Variants in SELENOW observed in about 807,000 individuals in gnomAD.
SELENOW encodes the protein selenoprotein W, 1.
A neutral mutation model predicts 16.6 loss-of-function variants in SELENOW; 20 were observed. The observed-to-expected ratio is 1.21, with a 90% CI of 0.85 to 1.76. The LOEUF (loss-of-function observed/expected upper bound fraction) is 1.76. SELENOW is among the 40% of genes most tolerant of loss of function. The pLI is 0.00. For synonymous variants in SELENOW, 44 were observed against 46.2 expected, an observed-to-expected ratio of 0.95 and a Z score of 0.19; for missense variants, 124 against 111.0, an observed-to-expected ratio of 1.12 and a Z score of -0.53.
At chr19:47,781,465 G>A (rs1229060206) in intron 5 of SELENOW, 77 bp downstream of exon 5, 10 of 830,756 alleles carry the variant, frequency 1.2e-5, no homozygotes, top group Admixed American at 4.3e-5. Flanking sequence ...TTGGCCCAGG[G>A]TGGAGAGCCT....
intron 4 of SELENOW, 44 bp from the exon 5 acceptor site, chr19:47,781,246 G>A: frequency 6.3e-7 from 1 of 1,597,350 alleles, no homozygotes; most frequent in Non-Finnish European, 8.6e-7. Flanking sequence ...TGAGGTTGGT[G>A]TCTCGGTCCC....
intron 5 of SELENOW, chr19:47,781,618 G>C (rs1967478050): frequency 3.5e-6 from 2 of 572,442 alleles, no homozygotes; most frequent in East Asian, 6.0e-5. Flanking sequence ...TATGCAGGAT[G>C]ACAGCTGAGA....
At chr19:47,780,412 G>T in intron 1 of SELENOW, 1 of 480,992 alleles carries the variant, frequency 2.1e-6, no homozygotes, top group Non-Finnish European at 3.8e-6. Context: ...TCGTATTTGT[G>T]GTCTCCTTGT....
At position 47,780,009 on chromosome 19, in the gene SELENOW, G is replaced by A. The variant is rs1052283077; in HGVS notation, c.30-716G>A. 6 of 341,512 alleles carry A rather than the reference G, an allele frequency of 1.8e-5. No individual in the cohort carries two copies. The Middle Eastern group carries it at 1.2e-3, about 67-fold the overall frequency. 21.2% of individuals were successfully genotyped at this position (341,512 alleles called of 1,614,324 possible). Reference sequence around the variant, plus strand: ...AGCAGAGGCAAGAGTGACATTTTGAGACGCCTACCAGGCCTGTACACCAGA... The same window carrying A: ...AGCAGAGGCAAGAGTGACATTTTGAAACGCCTACCAGGCCTGTACACCAGA... On this transcript the variant is annotated intron_variant, in intron 1 of 5. Transcript: ENST00000601048.
intron 1 of SELENOW, chr19:47,780,065 T>A: frequency 2.2e-6 from 1 of 449,592 alleles, no homozygotes; most frequent in Non-Finnish European, 4.5e-6. Context: ...GCTGTGGGGG[T>A]TGGGTGAGCC....
At chr19:47,781,474 C>T in intron 5 of SELENOW, 86 bp downstream of exon 5, 1 of 767,120 alleles carries the variant, frequency 1.3e-6, no homozygotes, top group Non-Finnish European at 2.2e-6. Context: ...GGTGGAGAGC[C>T]TGGGAGATGG....
At chr19:47,779,961 C>G (rs1568607578) in intron 1 of SELENOW, 2 of 285,422 alleles carry the variant, frequency 7.0e-6, no homozygotes, top group East Asian at 9.2e-5. Flanking sequence ...GGCAGCTTTC[C>G]AACGTCTCTG....
intron 2 of SELENOW, 55 bp downstream of exon 2, chr19:47,780,804 G>A: frequency 6.3e-7 from 1 of 1,599,600 alleles, no homozygotes; most frequent in Non-Finnish European, 8.5e-7. Flanking sequence ...GGGGTAGAGT[G>A]CATATTGGGA....
Position 47,778,820 on chromosome 19 carries a change from C to CGCAGCGG in SELENOW, c.29+6_29+7insGCAGCGG, listed in dbSNP as rs111841672. On this transcript the variant is annotated splice_region_variant and intron_variant, in intron 1 of 5. Transcript: ENST00000601048. Reference sequence around the variant, plus strand: ...GCCGTCCGAGTCGTTTATTGGTAAGCCCAGCGGCCAGCGGCCCCCGTCCCC... The same window carrying CGCAGCGG: ...GCCGTCCGAGTCGTTTATTGGTAAGCGCAGCGGCCAGCGGCCAGCGGCCCCCGTCCCC... 0.68 allele frequency: 1,089,438 copies of CGCAGCGG among 1,600,756 alleles called. 372,945 individuals carry two copies. Among genetic ancestry groups the CGCAGCGG allele is most frequent in the South Asian group, 0.7 (62,636 of 89,630 alleles).
intron 5 of SELENOW, 165 bp from the exon 6 acceptor site, chr19:47,784,125 C>T (rs1156563584): frequency 6.6e-6 from 1 of 152,224 alleles, no homozygotes. Flanking sequence ...GTCTCAAACT[C>T]TTGGGCTCAA....
chr19:47,781,198 C>T lies in SELENOW; in HGVS notation c.183+16C>T, dbSNP rs372749686. On this transcript the variant is annotated intron_variant, in intron 4 of 5. Transcript: ENST00000601048. ...CTCTAAGAAGGTATGTCTGTCTGTC[C>T]GTCCTGCCTGGTTTTGGGGCTAGCA... The T allele has an allele frequency of 1.4e-5, 22 of 1,612,536 alleles. No homozygotes were observed. Among genetic ancestry groups the T allele is most frequent in the Non-Finnish European group, 1.6e-5 (19 of 1,178,638 alleles).
intron 1 of SELENOW, chr19:47,780,386 C>T (rs1410321331): frequency 2.4e-6 from 1 of 424,120 alleles, no homozygotes; most frequent in South Asian, 2.2e-5. Context: ...TCCTGGTTTT[C>T]CCCCGTCCCC....
intron 5 of SELENOW, chr19:47,783,664 C>G (rs956439436): frequency 1.3e-5 from 2 of 152,180 alleles, no homozygotes; most frequent in African/African-American, 4.8e-5. Context: ...GTTCCATTTC[C>G]TAAAATTCTT....
In SELENOW at chr19:47,781,189, CT is replaced by C; in HGVS notation, c.183+8del. The C allele has an allele frequency of 6.2e-7, 1 of 1,613,228 alleles. No individual in the cohort carries two copies. Among genetic ancestry groups the C allele is most frequent in the Non-Finnish European group, 8.5e-7 (1 of 1,179,242 alleles). Reference sequence around the variant, plus strand: ...GTTGATTCACTCTAAGAAGGTATGTCTGTCTGTCCGTCCTGCCTGGTTTTGG... The same window carrying C: ...GTTGATTCACTCTAAGAAGGTATGTCGTCTGTCCGTCCTGCCTGGTTTTGG... On this transcript the variant is annotated splice_region_variant and intron_variant, in intron 4 of 5. Coordinates refer to ENST00000601048, the MANE Select transcript of SELENOW (RefSeq NM_003009.4).
At chr19:47,782,667 A>C (rs181745437) in intron 5 of SELENOW, 1 of 151,944 alleles carries the variant, frequency 6.6e-6, no homozygotes, top group Non-Finnish European at 1.5e-5. Context: ...CAGCCTCCCA[A>C]GTAGCTGGGA....
At chr19:47,781,513 A>G in intron 5 of SELENOW, 125 bp downstream of exon 5, 1 of 643,324 alleles carries the variant, frequency 1.6e-6, no homozygotes, top group East Asian at 2.7e-5. Context: ...CCCCAGAGCG[A>G]GCGGGATAAA....
rs1967511433 is a variant in SELENOW at position 47,784,554 on chromosome 19, T to C, written c.*283T>C. 6.6e-6 allele frequency: 1 copy of C among 152,106 alleles called. No individual in the cohort carries two copies. Among genetic ancestry groups the C allele is most frequent in the Non-Finnish European group, 1.5e-5 (1 of 68,028 alleles). The allele number at this position is 152,106 out of a possible 1,614,324, so 9.4% of individuals were successfully genotyped here. A position where few individuals can be genotyped will look rare whatever the true frequency, so the allele number is the denominator to read the frequency against. On this transcript the variant is annotated 3_prime_UTR_variant, in exon 6 of 6. Coordinates refer to ENST00000601048, the MANE Select transcript of SELENOW (RefSeq NM_003009.4). ...GTCTTCCCCAGTTGTCCCCTGGAGT[T>C]TGGGGGGACATCCCGCCTCAGGCAT...
In SELENOW at chr19:47,780,732, T is replaced by G. The variant is rs528032711; in HGVS notation, c.37T>G (p.Sec13Gly). ...LAVRVVYCGA[U>G]GYKSKYLQLK... ...CTTGGACTCTCCTACCAGTGGCGCT[T>G]GAGGCTACAAGTCCAAGGTAAGCAG... Residue 13 changes from selenocysteine to glycine, a missense_variant, in exon 2 of 6, where the codon TGA becomes GGA. Coordinates refer to ENST00000601048, the MANE Select transcript of SELENOW (RefSeq NM_003009.4). 6.1e-5 allele frequency: 96 copies of G among 1,563,138 alleles called. 2 individuals carry two copies. The South Asian group carries it at 9.8e-4, about 16-fold the overall frequency.
intron 5 of SELENOW, chr19:47,782,245 G>A (rs1316138184): frequency 2.0e-5 from 3 of 152,318 alleles, no homozygotes; most frequent in African/African-American, 7.2e-5. Flanking sequence ...GAATATTCCA[G>A]ACCTGATCCA....
Sources: gnomAD v4.1 joint callset for allele counts on GRCh38, gnomAD v4.1.1 for gene constraint, MANE v1.5 for transcripts, NCBI Gene and HGNC (gene_info 2026-07-23, HGNC 2026-07-21) for gene names.